The following ADGRB3 variants were observed in gnomAD, a reference collection of about 807,000 sequenced individuals.
ADGRB3 encodes the protein brain-specific angiogenesis inhibitor 3.
In ADGRB3, 37 loss-of-function variants were observed where a neutral mutation model predicts 193.4. That is an observed-to-expected ratio of 0.19 (90% CI 0.15 to 0.25). ADGRB3 has a LOEUF of 0.25. ADGRB3 is among the 10% of genes least tolerant of loss of function. The probability of loss-of-function intolerance (pLI) is 1.00; values close to 1 mark genes in which losing one functional copy is unlikely to be tolerated. For missense variants in ADGRB3, 1,637 were observed against 1,852.9 expected (o/e 0.88, Z 2.14); for synonymous variants, 690 against 644.2 (o/e 1.07, Z -1.08).
At chr6:68,819,032 G>A (rs147660816) in intron 3 of ADGRB3, among the ~76,000 whole-genome samples, 269 of 152,094 alleles carry the variant, frequency 1.8e-3, no homozygotes, top group African/African-American at 6.2e-3. Context: ...CAGCAACAAT[G>A]GTTAAATGAA....
At chr6:68,985,004 T>A (rs1011747540) in intron 10 of ADGRB3, among the ~76,000 whole-genome samples, 21 of 152,076 alleles carry the variant, frequency 1.4e-4, no homozygotes, top group Admixed American at 3.9e-4. Context: ...TATAAAACAG[T>A]AATTTCCAGA....
At chr6:68,768,077 C>T (rs192004235) in intron 3 of ADGRB3, among the ~76,000 whole-genome samples, 22 of 152,068 alleles carry the variant, frequency 1.4e-4, no homozygotes, top group Admixed American at 1.3e-3. Flanking sequence ...TATTCTCATG[C>T]ATAGGAAGAA....
chr6:69,019,464 T>C (rs927110391), intron 13 of ADGRB3, among the ~76,000 whole-genome samples: 1 of 151,922 alleles, frequency 6.6e-6, no homozygotes, highest in Non-Finnish European at 1.5e-5. Context: ...ATTAAGGCTG[T>C]TGGTGGTTCA....
At chr6:69,205,031 A>C (rs1048984925) in intron 17 of ADGRB3, among the ~76,000 whole-genome samples, 1 of 152,196 alleles carries the variant, frequency 6.6e-6, no homozygotes, top group Admixed American at 6.6e-5. Context: ...TAATATGCTC[A>C]TACACTTTTT....
In ADGRB3 at chr6:69,017,556, T is replaced by TA. The variant is rs905393928; in HGVS notation, c.1999-828dup. 2.6e-5 allele frequency among the ~76,000 whole-genome samples: 4 copies of TA among 151,864 alleles called. No individual in the cohort carries two copies. The East Asian group carries it at 5.8e-4, about 22-fold the overall frequency. The stretch of plus-strand genomic sequence containing the variant: ...CTATTGACACAATCAGGTTGCCAAA[T>TA]AAAAAAACACTCGTCCATTTGTACT... On this transcript the variant is annotated intron_variant, in intron 12 of 31. Transcript: ENST00000370598.
chr6:69,307,848 C>T (rs1349278737), intron 20 of ADGRB3, among the ~76,000 whole-genome samples: 1 of 151,218 alleles, frequency 6.6e-6, no homozygotes, highest in South Asian at 2.1e-4. Context: ...AAATGTGACT[C>T]CATCTTTTCC....
At chr6:69,294,976 C>T (rs1383225050) in intron 20 of ADGRB3, among the ~76,000 whole-genome samples, 1 of 152,120 alleles carries the variant, frequency 6.6e-6, no homozygotes, top group African/African-American at 2.4e-5. Context: ...AATCAGGAAT[C>T]TATTTGGTGA....
Position 68,638,798 on chromosome 6 carries a change from G to T in ADGRB3, c.123G>T (p.Ser41=), listed in dbSNP as rs771599054. The change falls in exon 3 of 32, where the codon TCG becomes TCT. Residue 41 remains serine (S), a synonymous_variant. Coordinates refer to ENST00000370598, the MANE Select transcript of ADGRB3 (RefSeq NM_001704.3). ...STLVKGVIYG[S]YSVSEMFPKN... ...TGGTGAAGGGAGTCATTTATGGATC[G>T]TATTCTGTAAGTGAAATGTTTCCTA... 4.3e-6 allele frequency: 7 copies of T among 1,613,930 alleles called. No individual in the cohort carries two copies. Among genetic ancestry groups the T allele is most frequent in the African/African-American group, 4.0e-5 (3 of 74,900 alleles).
chr6:68,637,701 T>A (rs1767989278), intron 2 of ADGRB3, 139 bp downstream of exon 2: 1 of 152,346 alleles, frequency 6.6e-6, no homozygotes, highest in South Asian at 2.1e-4. Flanking sequence ...AACAAAAATG[T>A]TAATGTATTT....
In ADGRB3 at chr6:69,370,832, G is replaced by A. The variant is rs1248247418; in HGVS notation, c.4240-1574G>A. ...GACAAAAATGTCCTGCTTAGTCACA[G>A]TGCCAAGAAAGGTATCCAAGAGCAG... On this transcript the variant is annotated intron_variant, in intron 29 of 31. Transcript: ENST00000370598. Among the ~76,000 whole-genome samples, 5 of 152,100 alleles carry A rather than the reference G, an allele frequency of 3.3e-5. 1 individual carries two copies. Among genetic ancestry groups the A allele is most frequent in the Admixed American group, 2.6e-4 (4 of 15,268 alleles).
intron 17 of ADGRB3, among the ~76,000 whole-genome samples, chr6:69,229,109 T>G (rs900137253): frequency 6.6e-6 from 1 of 152,152 alleles, no homozygotes; most frequent in Non-Finnish European, 1.5e-5. Flanking sequence ...ACTTCCTGAT[T>G]TTATGATTCA....
intron 20 of ADGRB3, among the ~76,000 whole-genome samples, chr6:69,318,283 AATT>A (rs1298240242): frequency 1.3e-5 from 2 of 151,394 alleles, no homozygotes; most frequent in Non-Finnish European, 3.0e-5. Context: ...CATTTTTTAA[AATT>A]ATTATTTGGG....
intron 20 of ADGRB3, among the ~76,000 whole-genome samples, chr6:69,295,408 C>G (rs1458194290): frequency 6.6e-6 from 1 of 152,036 alleles, no homozygotes; most frequent in African/African-American, 2.4e-5. Flanking sequence ...CTTCCCCTAC[C>G]ATTTCCATAT....
At chr6:69,285,011 G>T (rs531235857) in intron 20 of ADGRB3, among the ~76,000 whole-genome samples, 58 of 152,252 alleles carry the variant, frequency 3.8e-4, no homozygotes, top group African/African-American at 1.4e-3. Flanking sequence ...GATTAAAGTT[G>T]ACAATCAAAA....
intron 17 of ADGRB3, among the ~76,000 whole-genome samples, chr6:69,106,831 T>C (rs1773227979): frequency 6.6e-6 from 1 of 152,190 alleles, no homozygotes; most frequent in Non-Finnish European, 1.5e-5. Flanking sequence ...TGAAGGCAAA[T>C]CACAGCAGGA....
intron 10 of ADGRB3, among the ~76,000 whole-genome samples, chr6:68,979,813 G>C (rs542159925): frequency 6.6e-6 from 1 of 151,432 alleles, no homozygotes; most frequent in East Asian, 1.9e-4. Context: ...TTTGTCTTTG[G>C]TATATGTGAA....
intron 3 of ADGRB3, among the ~76,000 whole-genome samples, chr6:68,842,469 A>G (rs1321369807): frequency 6.6e-6 from 1 of 151,964 alleles, no homozygotes; most frequent in Non-Finnish European, 1.5e-5. Flanking sequence ...CAAAATTGAA[A>G]TATGAAGAAA....
intron 15 of ADGRB3, 80 bp from the exon 16 acceptor site, chr6:69,062,854 A>T: frequency 1.0e-6 from 1 of 991,938 alleles, no homozygotes; most frequent in Non-Finnish European, 1.5e-6. Context: ...ATTTGAAACC[A>T]TCCCAAAATG....
intron 17 of ADGRB3, among the ~76,000 whole-genome samples, chr6:69,109,798 A>G (rs975031545): frequency 6.6e-5 from 10 of 152,330 alleles, no homozygotes; most frequent in African/African-American, 2.4e-4. Context: ...TTAGTGTAGC[A>G]AGTCTAGTCT....
Sources: gnomAD v4.1 joint callset for allele counts (sites outside exome capture counted in the v4.1 genomes callset) on GRCh38, gnomAD v4.1.1 for gene constraint, MANE v1.5 for transcripts, NCBI Gene and HGNC (gene_info 2026-07-23, HGNC 2026-07-21) for gene names.